Variants in VCAN observed in about 807,000 individuals in gnomAD.
VCAN encodes the protein versican.
In VCAN, 44 loss-of-function variants were observed where a neutral mutation model predicts 245.5. The observed-to-expected ratio is 0.18, with a 90% CI of 0.14 to 0.23. The LOEUF (loss-of-function observed/expected upper bound fraction) is 0.23. Among genes scored for constraint, VCAN ranks in the 10% least tolerant of loss-of-function variants. The probability of loss-of-function intolerance (pLI) is 1.00; values close to 1 mark genes in which losing one functional copy is unlikely to be tolerated. For synonymous variants in VCAN, 1,413 were observed against 1,437.0 expected (o/e 0.98, Z 0.38); for missense variants, 3,793 against 4,057.9 (o/e 0.93, Z 1.77).
intron 12 of VCAN, among the ~76,000 whole-genome samples, chr5:83,567,776 G>A (rs1748142224): frequency 6.6e-6 from 1 of 152,192 alleles, no homozygotes; most frequent in Non-Finnish European, 1.5e-5. Flanking sequence ...CAAACATGCA[G>A]GGGAATGACC....
Position 83,541,966 on chromosome 5 carries a change from C to A in VCAN, c.8963C>A (p.Ala2988Glu). ...TSASATYGVE[A>E]GVVPWLSPQT... ...GCTTCTGCCACCTATGGGGTCGAGGCAGGTGTGGTGCCTTGGCTAAGTCCA... is the reference window on the plus strand; with the variant it reads ...GCTTCTGCCACCTATGGGGTCGAGGAAGGTGTGGTGCCTTGGCTAAGTCCA... The change falls in exon 8 of 15, where the codon GCA becomes GAA. Residue 2988 changes from alanine to glutamate, a missense_variant. Physicochemically the swap from Ala to Glu is moderately radical, Grantham distance 107. Coordinates refer to ENST00000265077, the MANE Select transcript of VCAN (RefSeq NM_004385.5). The A allele has an allele frequency of 6.2e-7, 1 of 1,613,972 alleles. No homozygotes were observed. The highest frequency in any genetic ancestry group is 8.5e-7 in the Non-Finnish European group (1 of 1,179,940).
In VCAN at chr5:83,539,462, A is replaced by G; in HGVS notation, c.6459A>G (p.Thr2153=). Residue 2153 remains threonine (T), a synonymous_variant, in exon 8 of 15, where the codon ACA becomes ACG. Coordinates refer to ENST00000265077, the MANE Select transcript of VCAN (RefSeq NM_004385.5). ...QTFTETELKT[T]DYSVLTTKKT... ...TTACTGAAACTGAACTCAAAACCAC[A>G]GATTATTCTGTACTAACAACAAAGA... 1 of 1,613,424 alleles carries G rather than the reference A, an allele frequency of 6.2e-7. No individual in the cohort carries two copies. The highest frequency in any genetic ancestry group is 8.5e-7 in the Non-Finnish European group (1 of 1,179,764).
In VCAN at chr5:83,521,310, C is replaced by G. The variant is rs767085390; in HGVS notation, c.3004C>G (p.Gln1002Glu). The G allele has an allele frequency of 1.9e-6, 3 of 1,614,100 alleles. No individual in the cohort carries two copies. The highest frequency in any genetic ancestry group is 2.7e-5 in the African/African-American group (2 of 75,056). Residue 1002 changes from glutamine to glutamate, a missense_variant, in exon 7 of 15, where the codon CAA becomes GAA. Around this residue, in one of 5 missense-constraint regions of VCAN, gnomAD observed 3,182 missense variants for 3,250.3 expected, o/e 0.98. Coordinates refer to ENST00000265077, the MANE Select transcript of VCAN (RefSeq NM_004385.5). ...SEDEVLGEPSQDILVIDQTRL... is the reference protein window; with the variant it reads ...SEDEVLGEPSEDILVIDQTRL... ...AGATGAAGTTCTAGGTGAACCCTCT[C>G]AAGACATACTTGTCATTGATCAGAC...
chr5:83,581,702 G>C lies in VCAN; in HGVS notation c.*1268G>C, dbSNP rs1474593730. 1.3e-5 allele frequency: 2 copies of C among 152,126 alleles called. No individual in the cohort carries two copies. Among genetic ancestry groups the C allele is most frequent in the Non-Finnish European group, 2.9e-5 (2 of 68,024 alleles). 9.4% of individuals were successfully genotyped at this position (152,126 alleles called of 1,614,324 possible). On this transcript the variant is annotated 3_prime_UTR_variant, in exon 15 of 15. Coordinates refer to ENST00000265077, the MANE Select transcript of VCAN (RefSeq NM_004385.5). The stretch of plus-strand genomic sequence containing the variant: ...ATGAGCGAATATATAGAAATAGTGT[G>C]GGCATTTCTTCCTGTTAGGTGGAGT...
Position 83,542,230 on chromosome 5 carries a change from A to G in VCAN, c.9227A>G (p.Asn3076Ser), listed in dbSNP as rs1747034867. 1 of 1,613,818 alleles carries G rather than the reference A, an allele frequency of 6.2e-7. No individual in the cohort carries two copies. Among genetic ancestry groups the G allele is most frequent in the Admixed American group, 1.7e-5 (1 of 59,990 alleles). ...SNETDFLIGI[N>S]EESVEGTAIY... ...GAAACAGATTTCCTGATTGGCATTA[A>G]TGAAGAGTCAGTGGAAGGCACGGCA... The change falls in exon 8 of 15, where the codon AAT becomes AGT. Residue 3076 changes from asparagine (N) to serine (S), a missense_variant. Physicochemically the swap from Asn to Ser is conservative, Grantham distance 46 (BLOSUM62 1). This residue lies in a region of VCAN where 3,182 missense variants were observed against 3,250.3 expected (regional missense o/e 0.98). Coordinates refer to ENST00000265077, the MANE Select transcript of VCAN (RefSeq NM_004385.5).
chr5:83,479,283 G>T (rs931884995), intron 1 of VCAN, among the ~76,000 whole-genome samples: 3 of 152,002 alleles, frequency 2.0e-5, no homozygotes, highest in Admixed American at 2.0e-4. Flanking sequence ...CCCCTTGTCA[G>T]CTGAGCTTCC....
chr5:83,555,094 G>C lies in VCAN; in HGVS notation c.9735+56G>C. 2.5e-6 allele frequency: 4 copies of C among 1,572,450 alleles called. No individual in the cohort carries two copies. The African/African-American group carries it at 4.0e-5, about 16-fold the overall frequency. On this transcript the variant is annotated intron_variant, in intron 12 of 14. Coordinates refer to ENST00000265077, the MANE Select transcript of VCAN (RefSeq NM_004385.5). Reference sequence around the variant, plus strand: ...CTACCTTCTGGAAATTTGGTACTGTGCACTGATTGTGCATTACAGAGGGTG... The same window carrying C: ...CTACCTTCTGGAAATTTGGTACTGTCCACTGATTGTGCATTACAGAGGGTG...
At position 83,490,153 on chromosome 5, in the gene VCAN, A is replaced by G. The variant is rs760565774; in HGVS notation, c.126A>G (p.Leu42=). 1.2e-6 allele frequency: 2 copies of G among 1,614,176 alleles called. No homozygotes were observed. The highest frequency in any genetic ancestry group is 1.7e-6 in the Non-Finnish European group (2 of 1,180,028). Residue 42 remains leucine (L), a synonymous_variant, in exon 3 of 15, where the codon CTA becomes CTG. Coordinates refer to ENST00000265077, the MANE Select transcript of VCAN (RefSeq NM_004385.5). Reference sequence around the variant, plus strand: ...GCTCCCTCTCTGGAAAAGTCAGCCTACCTTGTCATTTTTCAACGATGCCTA... The same window carrying G: ...GCTCCCTCTCTGGAAAAGTCAGCCTGCCTTGTCATTTTTCAACGATGCCTA... ...VRGSLSGKVS[L]PCHFSTMPTL...
intron 6 of VCAN, among the ~76,000 whole-genome samples, chr5:83,513,138 A>G (rs1745719311): frequency 6.6e-6 from 1 of 152,210 alleles, no homozygotes; most frequent in South Asian, 2.1e-4. Flanking sequence ...GTCACATGAT[A>G]TAGTATCATA....
intron 5 of VCAN, among the ~76,000 whole-genome samples, chr5:83,506,237 G>T (rs1459974260): frequency 6.6e-6 from 1 of 152,172 alleles, no homozygotes; most frequent in African/African-American, 2.4e-5. Context: ...CTTTTCTACT[G>T]CATAGTCAGG....
intron 10 of VCAN, among the ~76,000 whole-genome samples, chr5:83,549,845 T>C (rs937984788): frequency 6.6e-6 from 1 of 152,162 alleles, no homozygotes; most frequent in Non-Finnish European, 1.5e-5. Flanking sequence ...ACTGAAAGAT[T>C]TTTTTCCTCT....
chr5:83,520,600 A>T lies in VCAN; in HGVS notation c.2294A>T (p.Asp765Val). Reference protein sequence around the residue: ...KLSAEPTEVRDMEEDFTATPG... With the variant: ...KLSAEPTEVRVMEEDFTATPG... ...AGTGCAGAGCCAACAGAAGTAAGAG[A>T]TATGGAGGAAGACTTTACAGCAACT... The change falls in exon 7 of 15, where the codon GAT (aspartate) becomes GTT (valine). Residue 765 changes from aspartate to valine, a missense_variant. By Grantham distance (152) the Asp-to-Val change is radical. This residue lies in a region of VCAN where 3,182 missense variants were observed against 3,250.3 expected (regional missense o/e 0.98). Transcript: ENST00000265077. 1.9e-6 allele frequency: 3 copies of T among 1,614,040 alleles called. No homozygotes were observed. Among genetic ancestry groups the T allele is most frequent in the Non-Finnish European group, 1.7e-6 (2 of 1,179,996 alleles).
rs142037715 is a variant in VCAN, at chr5:83,507,569, A to G, written c.749-4534A>G. Among the ~76,000 whole-genome samples the G allele has an allele frequency of 3.5e-3, 539 of 152,282 alleles. 3 individuals are homozygous for G. The highest frequency in any genetic ancestry group is 0.012 in the African/African-American group (519 of 41,562). On this transcript the variant is annotated intron_variant, in intron 5 of 14. Transcript: ENST00000265077. ...GCAACTAAGCAAACGTGCCTATTTG[A>G]TTTGCTTGATTTCCCATGTTTGCTG...
intron 3 of VCAN, among the ~76,000 whole-genome samples, chr5:83,492,399 C>T (rs1745012254): frequency 2.0e-5 from 3 of 152,186 alleles, no homozygotes; most frequent in Admixed American, 2.0e-4. Context: ...TGGGATGACT[C>T]TTAATAAAAT....
intron 7 of VCAN, among the ~76,000 whole-genome samples, chr5:83,525,919 T>C (rs1315160183): frequency 6.6e-6 from 1 of 152,140 alleles, no homozygotes; most frequent in Non-Finnish European, 1.5e-5. Context: ...ATACCCATAT[T>C]TACATCATTG....
At chr5:83,487,695 T>G (rs1484713882) in intron 2 of VCAN, among the ~76,000 whole-genome samples, 1 of 152,176 alleles carries the variant, frequency 6.6e-6, no homozygotes, top group Non-Finnish European at 1.5e-5. Context: ...AGCTTTTAAT[T>G]TTCTTATATA....
At position 83,521,217 on chromosome 5, in the gene VCAN, C is replaced by G; in HGVS notation, c.2911C>G (p.His971Asp). The G allele has an allele frequency of 6.2e-7, 1 of 1,613,948 alleles. No individual in the cohort carries two copies. Among genetic ancestry groups the G allele is most frequent in the Non-Finnish European group, 8.5e-7 (1 of 1,179,848 alleles). The change falls in exon 7 of 15, where the codon CAT becomes GAT. Residue 971 changes from histidine (H) to aspartate (D), a missense_variant. Coordinates refer to ENST00000265077, the MANE Select transcript of VCAN (RefSeq NM_004385.5). ...QEPTTYVDSSHTIPLSVIPKT... is the reference protein window; with the variant it reads ...QEPTTYVDSSDTIPLSVIPKT... ...GCCTACTACTTATGTAGACTCTTCCCATACCATTCCTCTTTCTGTAATTCC... is the reference window on the plus strand; with the variant it reads ...GCCTACTACTTATGTAGACTCTTCCGATACCATTCCTCTTTCTGTAATTCC...
Position 83,541,333 on chromosome 5 carries a change from C to A in VCAN, c.8330C>A (p.Thr2777Asn), listed in dbSNP as rs921952715. 1.9e-6 allele frequency: 3 copies of A among 1,613,972 alleles called. No individual in the cohort carries two copies. The highest frequency in any genetic ancestry group is 3.3e-5 in the Admixed American group (2 of 59,992). The change falls in exon 8 of 15, where the codon ACT (threonine) becomes AAT (asparagine). Residue 2777 changes from threonine to asparagine, a missense_variant. By Grantham distance (65) the Thr-to-Asn change is moderately conservative. This residue lies in a region of VCAN where 3,182 missense variants were observed against 3,250.3 expected (regional missense o/e 0.98). Coordinates refer to ENST00000265077, the MANE Select transcript of VCAN (RefSeq NM_004385.5). ...SGAEEALVDH[T>N]PYLSIATTHL... The stretch of plus-strand genomic sequence containing the variant: ...GCTGAGGAGGCATTAGTAGACCATA[C>A]TCCCTATCTAAGTATTGCTACTACC...
rs2112450864 is a variant in VCAN at position 83,541,951 on chromosome 5, C to T, written c.8948C>T (p.Thr2983Ile). 1.9e-6 allele frequency: 3 copies of T among 1,614,034 alleles called. No homozygotes were observed. The highest frequency in any genetic ancestry group is 1.7e-4 in the Middle Eastern group (1 of 6,058). ...CCACACTCTACTTCTGCTTCTGCCA[C>T]CTATGGGGTCGAGGCAGGTGTGGTG... ...QWPHSTSASA[T>I]YGVEAGVVPW... The change falls in exon 8 of 15, where the codon ACC becomes ATC. Residue 2983 changes from threonine to isoleucine, a missense_variant. Thr to Ile is a moderately conservative substitution (Grantham distance 89). This residue lies in a region of VCAN where 3,182 missense variants were observed against 3,250.3 expected (regional missense o/e 0.98). Coordinates refer to ENST00000265077, the MANE Select transcript of VCAN (RefSeq NM_004385.5).
Sources: allele counts gnomAD v4.1 joint callset (sites outside exome capture counted in the v4.1 genomes callset), GRCh38; gene constraint gnomAD v4.1.1; regional missense constraint gnomAD v4.1.1; transcripts MANE v1.5; gene names NCBI Gene and HGNC (gene_info 2026-07-23, HGNC 2026-07-21).